TENM3: variants seen among roughly 807,000 people sequenced by gnomAD.
TENM3 encodes the protein teneurin-3.
A neutral mutation model predicts 255.1 loss-of-function variants in TENM3; 63 were observed. The observed-to-expected ratio is 0.25, with a 90% confidence interval of 0.20 to 0.30. The LOEUF (loss-of-function observed/expected upper bound fraction) is 0.30, where lower values mean the gene tolerates loss of function less well. TENM3 is among the 10% of genes least tolerant of loss of function. The probability of loss-of-function intolerance (pLI) is 1.00; values close to 1 mark genes in which losing one functional copy is unlikely to be tolerated. For synonymous variants in TENM3, 1,306 were observed against 1,322.3 expected, an observed-to-expected ratio of 0.99 and a Z score of 0.27; for missense variants, 2,929 against 3,461.1, an observed-to-expected ratio of 0.85 and a Z score of 3.86.
chr4:181,639,946 A>T, the TENM3 span, among the ~76,000 whole-genome samples: 1 of 152,208 alleles, frequency 6.6e-6, no homozygotes, highest in Non-Finnish European at 1.5e-5. Flanking sequence ...AGTGCCGTTT[A>T]CAATGCCGTG....
chr4:182,288,453 A>C (rs1760896407), intron 1 of TENM3, among the ~76,000 whole-genome samples: 1 of 152,154 alleles, frequency 6.6e-6, no homozygotes, highest in Non-Finnish European at 1.5e-5. Flanking sequence ...GTTTTCACGT[A>C]AGTTCCTCTA....
intron 3 of TENM3, among the ~76,000 whole-genome samples, chr4:182,546,162 G>A (rs1456250105): frequency 6.6e-6 from 1 of 152,190 alleles, no homozygotes; most frequent in Non-Finnish European, 1.5e-5. Flanking sequence ...AACAAGGAGA[G>A]GGAACAGGAA....
chr4:181,732,517 A>T, the TENM3 span, among the ~76,000 whole-genome samples: 1 of 152,168 alleles, frequency 6.6e-6, no homozygotes, highest in Non-Finnish European at 1.5e-5. Flanking sequence ...ATGAAAAAGG[A>T]TACCTTTTTC....
intron 5 of TENM3, among the ~76,000 whole-genome samples, chr4:182,643,418 G>C (rs1281482754): frequency 2.0e-5 from 3 of 152,160 alleles, no homozygotes; most frequent in African/African-American, 7.2e-5. Flanking sequence ...ATTGATGCCA[G>C]ATATTTTTCC....
At chr4:182,770,142 C>T (rs1579429102) in intron 22 of TENM3, among the ~76,000 whole-genome samples, 1 of 151,210 alleles carries the variant, frequency 6.6e-6, no homozygotes. Context: ...TGAAAGAACT[C>T]ACCCTACAGG....
chr4:182,434,130 G>A (rs4862067), intron 3 of TENM3, among the ~76,000 whole-genome samples: 69,637 of 147,444 alleles, frequency 0.47, 16,292 homozygotes, highest in South Asian at 0.59. Flanking sequence ...AAAAAAAAAA[G>A]GTAGAGTAGT....
the TENM3 span, among the ~76,000 whole-genome samples, chr4:181,818,433 G>A: frequency 5.9e-3 from 896 of 152,084 alleles, 13 homozygotes; most frequent in African/African-American, 0.02. Flanking sequence ...TCTTCCTGAC[G>A]GCCCGCCCTA....
chr4:182,362,987 T>C (rs1487802647), intron 3 of TENM3, among the ~76,000 whole-genome samples: 3 of 152,234 alleles, frequency 2.0e-5, no homozygotes, highest in Admixed American at 1.3e-4. Context: ...TGTCTAAGAT[T>C]GATTGAAATC....
At chr4:181,799,012 T>C in the TENM3 span, among the ~76,000 whole-genome samples, 1 of 152,204 alleles carries the variant, frequency 6.6e-6, no homozygotes, top group Non-Finnish European at 1.5e-5. Context: ...TAAAGCAAAA[T>C]GTAGACGGCC....
chr4:182,074,389 C>T, the TENM3 span, among the ~76,000 whole-genome samples: 2 of 152,178 alleles, frequency 1.3e-5, no homozygotes, highest in Non-Finnish European at 2.9e-5. Flanking sequence ...CTGCCTTTGA[C>T]TCACACATCA....
chr4:182,688,368 T>C lies in TENM3; in HGVS notation c.2221+17T>C, dbSNP rs1473792378. The C allele has an allele frequency of 1.9e-6, 3 of 1,552,548 alleles. No individual in the cohort carries two copies. The highest frequency in any genetic ancestry group is 1.2e-5 in the South Asian group (1 of 84,066). On this transcript the variant is annotated intron_variant, in intron 12 of 27. Coordinates refer to ENST00000511685, the MANE Select transcript of TENM3 (RefSeq NM_001080477.4). ...GCACTATCGGTAGGCTTACTGCAAG[T>C]CTGTGTCTGTCCCCTTCCTCCCAGA...
At chr4:182,444,399 A>ATT (rs1772737118) in intron 3 of TENM3, among the ~76,000 whole-genome samples, 1 of 152,190 alleles carries the variant, frequency 6.6e-6, no homozygotes, top group Admixed American at 6.5e-5. Flanking sequence ...TAATTTTGGT[A>ATT]ACAATTTCTT....
chr4:181,937,609 T>G, the TENM3 span, among the ~76,000 whole-genome samples: 1 of 152,214 alleles, frequency 6.6e-6, no homozygotes, highest in East Asian at 1.9e-4. Context: ...GAAGGCCTTT[T>G]GCTAACTTCT....
At chr4:182,057,484 C>T in the TENM3 span, among the ~76,000 whole-genome samples, 1 of 148,880 alleles carries the variant, frequency 6.7e-6, no homozygotes, top group Admixed American at 6.7e-5. Context: ...GATCGTGGCT[C>T]ACTGCAGCCT....
chr4:182,601,804 C>G (rs1218204908), intron 4 of TENM3, among the ~76,000 whole-genome samples: 3 of 152,200 alleles, frequency 2.0e-5, no homozygotes, highest in African/African-American at 7.2e-5. Context: ...AAACTTCCAT[C>G]CTCTGACTGT....
the TENM3 span, among the ~76,000 whole-genome samples, chr4:182,107,085 A>C: frequency 5.3e-5 from 8 of 152,092 alleles, no homozygotes; most frequent in African/African-American, 1.9e-4. Context: ...TTAACAAAAG[A>C]GAGTGTTATG....
In TENM3 at chr4:182,799,327, A is replaced by T. The variant is rs1462209498; in HGVS notation, c.7345-269A>T. Among the ~76,000 whole-genome samples the T allele has an allele frequency of 6.6e-6, 1 of 152,232 alleles. No individual in the cohort carries two copies. The highest frequency in any genetic ancestry group is 1.5e-5 in the Non-Finnish European group (1 of 68,030). ...AAACTGTAAGAGAAAAGCAAGAAAC[A>T]GGACTATTTTTCCCATGTTAGAAAC... is the stretch of plus-strand genomic sequence containing the variant. On this transcript the variant is annotated intron_variant, in intron 27 of 27. Transcript: ENST00000511685. The surrounding 1 kb of genome is among the most constrained non-coding windows in gnomAD (Gnocchi z 4.2).
chr4:181,644,806 C>A, the TENM3 span, among the ~76,000 whole-genome samples: 1 of 152,066 alleles, frequency 6.6e-6, no homozygotes, highest in African/African-American at 2.4e-5. Context: ...TCTCTGTCTA[C>A]CTCCTCTCTG....
intron 3 of TENM3, among the ~76,000 whole-genome samples, chr4:182,408,724 A>T (rs1419198551): frequency 6.6e-6 from 1 of 152,260 alleles, no homozygotes; most frequent in Admixed American, 6.5e-5. Flanking sequence ...ATTAACATTC[A>T]GTGGATTCCG....
Sources: gnomAD v4.1 joint callset for allele counts (sites outside exome capture counted in the v4.1 genomes callset) on GRCh38, gnomAD v4.1.1 for gene constraint, Gnocchi (gnomAD v3.1) non-coding constraint, MANE v1.5 for transcripts, NCBI Gene and HGNC (gene_info 2026-07-23, HGNC 2026-07-21) for gene names.